PPEF2: variants seen among roughly 807,000 people sequenced by gnomAD.
PPEF2 encodes the protein serine/threonine-protein phosphatase with EF-hands 2.
Under a neutral mutation model 84.7 loss-of-function variants are expected in PPEF2, and 84 were observed. The observed-to-expected ratio is 0.99, with a 90% CI of 0.83 to 1.19. The LOEUF (loss-of-function observed/expected upper bound fraction) is 1.19. PPEF2 is among the 50% of genes most tolerant of loss of function. The pLI, the probability that PPEF2 is intolerant of heterozygous loss-of-function variation, is 0.00. For synonymous variants in PPEF2, 346 were observed against 345.2 expected, an observed-to-expected ratio of 1.00 and a Z score of -0.03; for missense variants, 924 against 937.5, an observed-to-expected ratio of 0.99 and a Z score of 0.19.
intron 11 of PPEF2, among the ~76,000 whole-genome samples, chr4:75,876,057 A>G (rs1195788077): frequency 1.3e-5 from 2 of 152,226 alleles, no homozygotes; most frequent in East Asian, 1.9e-4. Context: ...CTAGTGCTCA[A>G]TCACTAACCC....
rs1394916 is a variant in PPEF2, at chr4:75,872,075, A to G, written c.1599T>C (p.Ile533=). 1,611,524 of 1,613,878 alleles carry G rather than the reference A, an allele frequency of 1. 804,625 individuals are homozygous for G. Among genetic ancestry groups the G allele is most frequent in the Non-Finnish European group, 1 (1,179,800 of 1,179,826 alleles). ...TCACCTTGTTAGCTTGATACTGCAC[A>G]ATATGTGGGGTCAGGGCTGGCCCCA... ...VKLGPALTPH[I]VQYQANKVTH... Residue 533 remains isoleucine (I), a synonymous_variant, in exon 13 of 17, where the codon ATT becomes ATC. Transcript: ENST00000286719.
rs1433843333 is a variant in PPEF2, at chr4:75,864,314, ATCT to A, written c.2008+123_2008+125del. ...TAGTTTCTGTCATTTATAAGCACTA[ATCT>A]TCTTACCTTGCTCTCCAAATGCCTG... On this transcript the variant is annotated intron_variant, in intron 16 of 16. Coordinates refer to ENST00000286719, the MANE Select transcript of PPEF2 (RefSeq NM_006239.3). 8 of 716,818 alleles carry A rather than the reference ATCT, an allele frequency of 1.1e-5. No homozygotes were observed. The East Asian group carries it at 1.3e-4, about 12-fold the overall frequency. 44.4% of individuals were successfully genotyped at this position (716,818 alleles called of 1,614,324 possible). A position where few individuals can be genotyped will look rare whatever the true frequency, so the allele number is the denominator to read the frequency against.
chr4:75,899,589 T>A (rs550697389), intron 1 of PPEF2, among the ~76,000 whole-genome samples: 2 of 152,302 alleles, frequency 1.3e-5, no homozygotes, highest in East Asian at 3.9e-4. Flanking sequence ...ATCAAAGAGT[T>A]GTTGTCTTTT....
intron 13 of PPEF2, among the ~76,000 whole-genome samples, chr4:75,868,033 G>A (rs1212657634): frequency 2.0e-5 from 3 of 152,116 alleles, no homozygotes; most frequent in Non-Finnish European, 4.4e-5. Flanking sequence ...AAAGAGGCTT[G>A]GCGTGGTGGC....
intron 8 of PPEF2, 174 bp from the exon 9 acceptor site, chr4:75,883,376 A>C: frequency 1.7e-6 from 1 of 605,164 alleles, no homozygotes; most frequent in Non-Finnish European, 2.9e-6. Flanking sequence ...TGGGTAGAGA[A>C]ATTATGGGAT....
intron 13 of PPEF2, among the ~76,000 whole-genome samples, chr4:75,869,779 C>G: frequency 6.6e-6 from 1 of 151,884 alleles, no homozygotes; most frequent in South Asian, 2.1e-4. Flanking sequence ...ACTAGCAGGT[C>G]GAGGCTGCAG....
intron 7 of PPEF2, among the ~76,000 whole-genome samples, chr4:75,886,251 T>G (rs1195829780): frequency 6.6e-6 from 1 of 152,160 alleles, no homozygotes; most frequent in Non-Finnish European, 1.5e-5. Context: ...TGGCCTCGGA[T>G]AGCCAGTCTC....
intron 8 of PPEF2, among the ~76,000 whole-genome samples, chr4:75,883,817 C>CAA (rs35897623): frequency 0.02 from 1,236 of 60,712 alleles, 106 homozygotes; most frequent in African/African-American, 0.08. Flanking sequence ...GACTCCGTCA[C>CAA]AAAAAAAAAA....
At chr4:75,900,748 A>G (rs1725102061) in intron 1 of PPEF2, among the ~76,000 whole-genome samples, 1 of 152,246 alleles carries the variant, frequency 6.6e-6, no homozygotes, top group African/African-American at 2.4e-5. Context: ...CTCCTCAGAT[A>G]AAAAGCACCT....
At chr4:75,900,310 G>A (rs1490550116) in intron 1 of PPEF2, among the ~76,000 whole-genome samples, 1 of 152,118 alleles carries the variant, frequency 6.6e-6, no homozygotes, top group Non-Finnish European at 1.5e-5. Context: ...GAATTTATTG[G>A]AGATAGAAAT....
intron 13 of PPEF2, among the ~76,000 whole-genome samples, chr4:75,870,414 G>C (rs1724237422): frequency 1.3e-5 from 2 of 152,272 alleles, no homozygotes; most frequent in South Asian, 4.1e-4. Flanking sequence ...ACTTGAGAAT[G>C]ATTTAAAATA....
chr4:75,894,266 GA>G (rs574440324), intron 2 of PPEF2, among the ~76,000 whole-genome samples: 82 of 152,024 alleles, frequency 5.4e-4, no homozygotes, highest in Non-Finnish European at 1.0e-3. Context: ...TGATTTAAAG[GA>G]AAAAAATGAT....
chr4:75,866,894 TC>T (rs1724144858), intron 14 of PPEF2, among the ~76,000 whole-genome samples: 1 of 152,214 alleles, frequency 6.6e-6, no homozygotes, highest in African/African-American at 2.4e-5. Flanking sequence ...TTTGTCAATG[TC>T]CATTAGAAAT....
chr4:75,888,181 C>T (rs1448553332), intron 6 of PPEF2, 33 bp downstream of exon 6: 2 of 1,471,594 alleles, frequency 1.4e-6, no homozygotes, highest in Non-Finnish European at 1.9e-6. Flanking sequence ...TCTTTGTGTG[C>T]AGCATGGAAA....
At chr4:75,865,515 A>T (rs1724105633) in intron 15 of PPEF2, among the ~76,000 whole-genome samples, 1 of 151,862 alleles carries the variant, frequency 6.6e-6, no homozygotes, top group South Asian at 2.1e-4. Context: ...GCCTCCCAAT[A>T]GCTGGGTCTA....
At chr4:75,889,930 T>A (rs755632977) in intron 5 of PPEF2, 27 bp downstream of exon 5, 2 of 1,612,084 alleles carry the variant, frequency 1.2e-6, no homozygotes, top group East Asian at 2.2e-5. Flanking sequence ...GAGTTGGTAG[T>A]GACCCAGGTT....
chr4:75,897,912 A>C (rs1356232789), intron 1 of PPEF2, among the ~76,000 whole-genome samples: 1 of 152,234 alleles, frequency 6.6e-6, no homozygotes, highest in Non-Finnish European at 1.5e-5. Flanking sequence ...GAAGTGGGAA[A>C]TCAGGTGTCT....
At chr4:75,865,226 C>T (rs933329508) in intron 15 of PPEF2, among the ~76,000 whole-genome samples, 4 of 152,090 alleles carry the variant, frequency 2.6e-5, no homozygotes, top group Non-Finnish European at 4.4e-5. Flanking sequence ...CATGAGCCAC[C>T]GCGCCTGGTT....
At chr4:75,889,851 G>T in intron 5 of PPEF2, 106 bp downstream of exon 5, 1 of 1,290,068 alleles carries the variant, frequency 7.8e-7, no homozygotes, top group Non-Finnish European at 1.1e-6. Context: ...GTGGACACAT[G>T]ACATGAACAC....
Sources: allele counts gnomAD v4.1 joint callset (sites outside exome capture counted in the v4.1 genomes callset), GRCh38; gene constraint gnomAD v4.1.1; transcripts MANE v1.5; gene names NCBI Gene and HGNC (gene_info 2026-07-23, HGNC 2026-07-21).